Variants in MDFIC2 observed in about 807,000 individuals in gnomAD.
MDFIC2 encodes the protein myoD family inhibitor domain-containing protein 2.
intron 2 of MDFIC2, among the ~76,000 whole-genome samples, chr3:70,215,765 A>G (rs1461078938): frequency 6.6e-6 from 1 of 152,152 alleles, no homozygotes; most frequent in Non-Finnish European, 1.5e-5. Context: ...TCTGGCAGAA[A>G]GCAAGTAATA....
At chr3:70,250,409 TCTCACACA>T (rs1358852894) in intron 2 of MDFIC2, among the ~76,000 whole-genome samples, 13,716 of 126,248 alleles carry the variant, frequency 0.11, 800 homozygotes, top group South Asian at 0.22. Context: ...TTTTAATGAA[TCTCACACA>T]CACACACACA....
intron 2 of MDFIC2, among the ~76,000 whole-genome samples, chr3:70,257,074 T>C (rs1274430749): frequency 2.6e-5 from 4 of 152,148 alleles, no homozygotes; most frequent in South Asian, 4.1e-4. Context: ...GCATAGACCA[T>C]GAAAAATGAG....
At chr3:70,225,618 C>T (rs1449688136) in intron 2 of MDFIC2, among the ~76,000 whole-genome samples, 1 of 152,124 alleles carries the variant, frequency 6.6e-6, no homozygotes, top group Non-Finnish European at 1.5e-5. Flanking sequence ...AGAAGCATGC[C>T]TAATTCCAAG....
chr3:70,205,129 A>G (rs1404433539), intron 3 of MDFIC2: 1 of 152,108 alleles, frequency 6.6e-6, no homozygotes, highest in Non-Finnish European at 1.5e-5. Flanking sequence ...AAAAATAAAT[A>G]AAAGTAATTA....
At chr3:70,199,572 C>T (rs570799264) in intron 3 of MDFIC2, among the ~76,000 whole-genome samples, 9 of 152,106 alleles carry the variant, frequency 5.9e-5, no homozygotes, top group African/African-American at 9.6e-5. Flanking sequence ...CAGATTTTTC[C>T]GATCTTTCAA....
At chr3:70,216,383 A>G (rs928747656) in intron 2 of MDFIC2, among the ~76,000 whole-genome samples, 3 of 151,668 alleles carry the variant, frequency 2.0e-5, no homozygotes, top group Non-Finnish European at 2.9e-5. Context: ...AGAGTTTTGC[A>G]TATATTAACC....
At chr3:70,234,408 G>T (rs1701588990) in intron 2 of MDFIC2, among the ~76,000 whole-genome samples, 1 of 152,058 alleles carries the variant, frequency 6.6e-6, no homozygotes. Flanking sequence ...TAGCACTTTG[G>T]GAAGCTGAGG....
intron 2 of MDFIC2, among the ~76,000 whole-genome samples, chr3:70,217,647 C>T (rs1701427948): frequency 6.6e-6 from 1 of 152,122 alleles, no homozygotes; most frequent in South Asian, 2.1e-4. Flanking sequence ...CACCACCTTT[C>T]TGTGGAAGTT....
At chr3:70,227,271 C>T (rs560394492) in intron 2 of MDFIC2, among the ~76,000 whole-genome samples, 7 of 152,284 alleles carry the variant, frequency 4.6e-5, no homozygotes, top group Admixed American at 1.3e-4. Context: ...ATCTCTAAAC[C>T]TATTATAGTC....
intron 2 of MDFIC2, among the ~76,000 whole-genome samples, chr3:70,285,841 C>T (rs1320256860): frequency 6.6e-6 from 1 of 152,088 alleles, no homozygotes; most frequent in African/African-American, 2.4e-5. Context: ...TGTTTTTTGG[C>T]TGCATAAATG....
Position 70,196,028 on chromosome 3 carries a change from G to T in MDFIC2, c.*898C>A, listed in dbSNP as rs968802795. Among the ~76,000 whole-genome samples the T allele has an allele frequency of 6.6e-6, 1 of 152,086 alleles. No homozygotes were observed. Among genetic ancestry groups the T allele is most frequent in the Admixed American group, 6.6e-5 (1 of 15,260 alleles). On this transcript the variant is annotated 3_prime_UTR_variant, in exon 4 of 4. Coordinates refer to ENST00000567252, the MANE Select transcript of MDFIC2 (RefSeq NM_001364677.1). Reference sequence around the variant, plus strand: ...TTGGTGCTGAATAAGTACCCTCAACGCTTATTTCTTTCTGGTGTCTATACA... The same window carrying T: ...TTGGTGCTGAATAAGTACCCTCAACTCTTATTTCTTTCTGGTGTCTATACA...
At chr3:70,198,671 T>C (rs945702987) in intron 3 of MDFIC2, among the ~76,000 whole-genome samples, 1 of 152,216 alleles carries the variant, frequency 6.6e-6, no homozygotes, top group Non-Finnish European at 1.5e-5. Flanking sequence ...ATGACTGTTA[T>C]GACTACTTTA....
chr3:70,285,428 A>G (rs960929974), intron 2 of MDFIC2, among the ~76,000 whole-genome samples: 8 of 151,960 alleles, frequency 5.3e-5, no homozygotes, highest in African/African-American at 1.2e-4. Context: ...TGGTGTATAT[A>G]TGCCACATTT....
intron 2 of MDFIC2, among the ~76,000 whole-genome samples, chr3:70,256,109 T>A (rs1433386944): frequency 1.3e-5 from 2 of 152,216 alleles, no homozygotes; most frequent in African/African-American, 4.8e-5. Context: ...GAGCAAGAAC[T>A]AACAAGGTCA....
chr3:70,299,931 C>T (rs1702331089), intron 2 of MDFIC2, among the ~76,000 whole-genome samples: 1 of 152,048 alleles, frequency 6.6e-6, no homozygotes, highest in African/African-American at 2.4e-5. Context: ...CCACACACGC[C>T]CTTTCTCCAG....
chr3:70,228,049 G>A (rs1365517510), intron 2 of MDFIC2, among the ~76,000 whole-genome samples: 1 of 151,578 alleles, frequency 6.6e-6, no homozygotes, highest in Non-Finnish European at 1.5e-5. Flanking sequence ...ATATCCAACA[G>A]AGAATCTTAA....
chr3:70,208,412 A>G (rs1201372785), intron 2 of MDFIC2, among the ~76,000 whole-genome samples: 2 of 152,094 alleles, frequency 1.3e-5, no homozygotes, highest in Non-Finnish European at 2.9e-5. Flanking sequence ...GTTTAGGGCC[A>G]ATGGAAATGT....
At chr3:70,202,565 G>A (rs773655527) in intron 3 of MDFIC2, among the ~76,000 whole-genome samples, 4 of 152,126 alleles carry the variant, frequency 2.6e-5, no homozygotes, top group Non-Finnish European at 4.4e-5. Context: ...TCTAATCACT[G>A]CTATTGAAGT....
intron 2 of MDFIC2, among the ~76,000 whole-genome samples, chr3:70,252,628 A>G (rs1000178356): frequency 6.6e-6 from 1 of 152,232 alleles, no homozygotes; most frequent in African/African-American, 2.4e-5. Context: ...TGCCCCATTT[A>G]TAGGAGGTAA....
Sources: gnomAD v4.1 joint callset for allele counts (sites outside exome capture counted in the v4.1 genomes callset) on GRCh38, gnomAD v4.1.1 for gene constraint, MANE v1.5 for transcripts, NCBI Gene and HGNC (gene_info 2026-07-23, HGNC 2026-07-21) for gene names.